Variants in CYP4X1 observed in about 807,000 individuals in gnomAD.
CYP4X1 encodes the protein cytochrome P450 family 4 subfamily X member 1, also known as cytochrome P450 4X1.
A neutral mutation model predicts 57.9 loss-of-function variants in CYP4X1; 44 were observed. The observed-to-expected ratio is 0.76, with a 90% CI of 0.60 to 0.98. The LOEUF (loss-of-function observed/expected upper bound fraction) is 0.98, where lower values mean the gene tolerates loss of function less well. CYP4X1 is among the 50% of genes least tolerant of loss of function. CYP4X1 has a pLI of 0.00. For synonymous variants in CYP4X1, 227 were observed against 228.6 expected (o/e 0.99, Z 0.06); for missense variants, 532 against 623.9 (o/e 0.85, Z 1.57).
the CYP4X1 span, among the ~76,000 whole-genome samples, chr1:47,015,581 T>C: frequency 6.6e-6 from 1 of 152,152 alleles, no homozygotes; most frequent in Admixed American, 6.5e-5. Flanking sequence ...CTGTGTTAAT[T>C]AGGGACAGAA....
the CYP4X1 span, among the ~76,000 whole-genome samples, chr1:47,006,944 G>C: frequency 6.6e-6 from 1 of 152,220 alleles, no homozygotes; most frequent in Admixed American, 6.5e-5. Flanking sequence ...CTCAAACTGG[G>C]TGGAGCCCAC....
At chr1:46,988,896 C>A in the CYP4X1 span, among the ~76,000 whole-genome samples, 2 of 152,078 alleles carry the variant, frequency 1.3e-5, no homozygotes, top group African/African-American at 4.8e-5. Flanking sequence ...ATTAATGGAA[C>A]ATATCTCAAA....
chr1:46,965,611 G>A, the CYP4X1 span, among the ~76,000 whole-genome samples: 8 of 152,332 alleles, frequency 5.3e-5, no homozygotes, highest in South Asian at 6.2e-4. Context: ...GTCCCAGCGG[G>A]GTACTGAGTT....
At chr1:46,967,219 A>G in the CYP4X1 span, among the ~76,000 whole-genome samples, 1 of 152,224 alleles carries the variant, frequency 6.6e-6, no homozygotes, top group African/African-American at 2.4e-5. Context: ...GTGGAAGAAA[A>G]GAGATTCTCC....
chr1:47,038,802 C>G (rs369584412), intron 7 of CYP4X1, 36 bp downstream of exon 7: 1 of 1,562,508 alleles, frequency 6.4e-7, no homozygotes, highest in African/African-American at 1.4e-5. Flanking sequence ...GCTCAAGTGA[C>G]CAGTTAATTA....
chr1:47,026,543 A>G (rs1331991468), intron 1 of CYP4X1, among the ~76,000 whole-genome samples: 2 of 152,084 alleles, frequency 1.3e-5, no homozygotes, highest in Admixed American at 6.5e-5. Context: ...TTCTATACAA[A>G]TTTTAGACTC....
At position 47,035,999 on chromosome 1, in the gene CYP4X1, C is replaced by T. The variant is rs773774562; in HGVS notation, c.621-18C>T. On this transcript the variant is annotated intron_variant, in intron 5 of 11. Transcript: ENST00000371901. ...TCTAAGTTGTTTATTAACACATTAT[C>T]CCAACTTTCTCTTCTAGCACCCATG... The T allele has an allele frequency of 6.2e-7, 1 of 1,610,204 alleles. No individual in the cohort carries two copies. The highest frequency in any genetic ancestry group is 2.2e-5 in the East Asian group (1 of 44,764).
At chr1:46,992,490 C>T in the CYP4X1 span, among the ~76,000 whole-genome samples, 2 of 152,176 alleles carry the variant, frequency 1.3e-5, no homozygotes, top group East Asian at 1.9e-4. Flanking sequence ...TACCTATAAG[C>T]GGACTTATTA....
At chr1:46,987,855 T>A in the CYP4X1 span, among the ~76,000 whole-genome samples, 2 of 151,992 alleles carry the variant, frequency 1.3e-5, no homozygotes, top group Non-Finnish European at 2.9e-5. Context: ...ACACAAAACA[T>A]ACCAGAATCA....
At chr1:46,984,227 G>C in the CYP4X1 span, among the ~76,000 whole-genome samples, 1 of 151,924 alleles carries the variant, frequency 6.6e-6, no homozygotes, top group African/African-American at 2.4e-5. Context: ...TTCCCCAGTG[G>C]GGAGTCTCCC....
chr1:47,050,930 C>T (rs1441501010), downstream of CYP4X1, among the ~76,000 whole-genome samples: 1 of 152,060 alleles, frequency 6.6e-6, no homozygotes, highest in Non-Finnish European at 1.5e-5. Context: ...AACAAACTAC[C>T]ATCACACTGA....
At chr1:47,009,076 C>A in the CYP4X1 span, among the ~76,000 whole-genome samples, 1 of 152,200 alleles carries the variant, frequency 6.6e-6, no homozygotes, top group Admixed American at 6.5e-5. Context: ...ATCTAATAGA[C>A]ATCTACAGAA....
chr1:47,055,313 C>A (rs534092510), downstream of CYP4X1, among the ~76,000 whole-genome samples: 19 of 152,208 alleles, frequency 1.2e-4, no homozygotes, highest in East Asian at 3.5e-3. Context: ...TTGCTGGATT[C>A]GGCTTGCCAG....
At chr1:47,010,316 A>G in the CYP4X1 span, among the ~76,000 whole-genome samples, 1 of 152,248 alleles carries the variant, frequency 6.6e-6, no homozygotes, top group East Asian at 1.9e-4. Flanking sequence ...AAAACCACAT[A>G]ATTATCTCAA....
In CYP4X1 at chr1:47,047,686, C is replaced by T. The variant is rs566392333; in HGVS notation, c.1208-879C>T. 1.6e-4 allele frequency among the ~76,000 whole-genome samples: 24 copies of T among 152,342 alleles called. No individual in the cohort carries two copies. In the South Asian group the frequency reaches 2.3e-3, roughly 14 times the overall value. On this transcript the variant is annotated intron_variant, in intron 9 of 11. Transcript: ENST00000371901. ...GCGTAATCTCGGCTCACTGCAACCT[C>T]TGCCTCCCAGGTTTAAGCAGTTCTC... is the stretch of plus-strand genomic sequence containing the variant.
the CYP4X1 span, among the ~76,000 whole-genome samples, chr1:46,979,776 A>C: frequency 6.6e-6 from 1 of 152,198 alleles, no homozygotes; most frequent in Non-Finnish European, 1.5e-5. Context: ...AAGCTTATCC[A>C]CCAAGATGAA....
the CYP4X1 span, among the ~76,000 whole-genome samples, chr1:46,990,302 CTCATCATCAG>C: frequency 6.6e-6 from 1 of 152,152 alleles, no homozygotes; most frequent in Non-Finnish European, 1.5e-5. Flanking sequence ...TGAAAAAAAG[CTCATCATCAG>C]TGGCCCTTAG....
intron 8 of CYP4X1, among the ~76,000 whole-genome samples, chr1:47,045,719 G>A (rs1644293825): frequency 6.6e-6 from 1 of 152,190 alleles, no homozygotes; most frequent in Non-Finnish European, 1.5e-5. Flanking sequence ...CAAAGGGCTT[G>A]GTGGATATTC....
the CYP4X1 span, chr1:46,961,828 T>C: frequency 1.6e-5 from 20 of 1,232,514 alleles, no homozygotes; most frequent in African/African-American, 3.1e-4. Flanking sequence ...TGCCCTGCCC[T>C]ACTTAGTTGG....
Sources: allele counts gnomAD v4.1 joint callset (sites outside exome capture counted in the v4.1 genomes callset), GRCh38; gene constraint gnomAD v4.1.1; transcripts MANE v1.5; gene names NCBI Gene and HGNC (gene_info 2026-07-23, HGNC 2026-07-21).